PTPRD: variants seen among roughly 807,000 people sequenced by gnomAD.
The protein encoded by PTPRD is receptor-type tyrosine-protein phosphatase delta.
Under a neutral mutation model 214.5 loss-of-function variants are expected in PTPRD, and 34 were observed. The ratio of observed to expected loss-of-function variants is 0.16; its 90% confidence interval spans 0.12 to 0.21. The LOEUF is 0.21. PTPRD is among the 10% of genes least tolerant of loss of function. The pLI, the probability that PTPRD is intolerant of heterozygous loss-of-function variation, is 1.00. For missense variants in PTPRD, 2,545 were observed against 2,398.7 expected (o/e 1.06, Z -1.27); for synonymous variants, 1,128 against 845.7 (o/e 1.33, Z -5.79).
At chr9:8,750,656 G>A (rs1487002481) in intron 11 of PTPRD, among the ~76,000 whole-genome samples, 2 of 152,174 alleles carry the variant, frequency 1.3e-5, no homozygotes, top group Non-Finnish European at 2.9e-5. Flanking sequence ...CTTCCCATGT[G>A]AAGGCACAGA....
intron 10 of PTPRD, among the ~76,000 whole-genome samples, 190 bp from the exon 11 acceptor site, chr9:9,018,925 C>T (rs893012504): frequency 6.6e-6 from 1 of 151,956 alleles, no homozygotes; most frequent in African/African-American, 2.4e-5. Context: ...TTAAAATGTT[C>T]CTTTTAAAGC....
At chr9:9,484,572 A>T (rs1405271522) in intron 8 of PTPRD, among the ~76,000 whole-genome samples, 1 of 152,176 alleles carries the variant, frequency 6.6e-6, no homozygotes. Flanking sequence ...AGAACAAACA[A>T]CATTTGTTTA....
intron 30 of PTPRD, among the ~76,000 whole-genome samples, chr9:8,483,534 C>G (rs2096932755): frequency 6.6e-6 from 1 of 152,164 alleles, no homozygotes; most frequent in Middle Eastern, 3.2e-3. Flanking sequence ...AGGTGGATCA[C>G]AAGGTCAGGA....
At chr9:9,033,713 C>G (rs952953661) in intron 10 of PTPRD, among the ~76,000 whole-genome samples, 6 of 152,064 alleles carry the variant, frequency 3.9e-5, no homozygotes, top group African/African-American at 1.4e-4. Context: ...TATCTCTGTT[C>G]TTTTATTCTC....
intron 7 of PTPRD, among the ~76,000 whole-genome samples, chr9:9,607,398 A>G (rs1339100624): frequency 2.0e-5 from 3 of 152,166 alleles, no homozygotes; most frequent in African/African-American, 4.8e-5. Context: ...AATCTAACAA[A>G]TTAATTCTCA....
chr9:8,449,905 A>T, intron 33 of PTPRD, 68 bp from the exon 34 acceptor site: 1 of 1,468,386 alleles, frequency 6.8e-7, no homozygotes, highest in African/African-American at 1.4e-5. Flanking sequence ...AAAGCAGAGA[A>T]TTGCACCTGC....
intron 5 of PTPRD, among the ~76,000 whole-genome samples, chr9:9,905,890 T>C (rs547620826): frequency 2.5e-4 from 38 of 152,004 alleles, no homozygotes; most frequent in Non-Finnish European, 4.7e-4. Flanking sequence ...CTGCCTTGAC[T>C]GGAGAAGCAT....
At chr9:10,428,799 A>T (rs1483140183) in intron 2 of PTPRD, among the ~76,000 whole-genome samples, 1 of 152,082 alleles carries the variant, frequency 6.6e-6, no homozygotes, top group East Asian at 1.9e-4. Flanking sequence ...TAGACAAAAC[A>T]CATGAGTGGA....
intron 6 of PTPRD, among the ~76,000 whole-genome samples, chr9:9,763,392 A>G: frequency 1.3e-5 from 2 of 152,270 alleles, no homozygotes; most frequent in South Asian, 4.1e-4. Flanking sequence ...TTTTACATAC[A>G]TAATATATAT....
chr9:8,335,461 C>G (rs371189232), intron 43 of PTPRD, among the ~76,000 whole-genome samples: 3 of 152,134 alleles, frequency 2.0e-5, no homozygotes, highest in African/African-American at 7.2e-5. Context: ...GCTAACAACT[C>G]TCAATAAACT....
intron 11 of PTPRD, among the ~76,000 whole-genome samples, chr9:9,004,977 G>T (rs1163079699): frequency 1.3e-5 from 2 of 152,218 alleles, no homozygotes; most frequent in East Asian, 3.9e-4. Context: ...TATCCGCCAG[G>T]TGTTAAACTC....
intron 9 of PTPRD, among the ~76,000 whole-genome samples, chr9:9,205,970 G>A (rs1224608711): frequency 1.3e-5 from 2 of 152,058 alleles, no homozygotes; most frequent in Admixed American, 6.5e-5. Flanking sequence ...CAGAGGGTGG[G>A]GTTATTTTAT....
intron 12 of PTPRD, among the ~76,000 whole-genome samples, chr9:8,684,621 C>T (rs1220899714): frequency 6.6e-6 from 1 of 152,086 alleles, no homozygotes; most frequent in Admixed American, 6.6e-5. Flanking sequence ...CAGACTAATA[C>T]ACAAATTATA....
At chr9:8,767,160 C>G (rs1453383022) in intron 11 of PTPRD, among the ~76,000 whole-genome samples, 5 of 152,008 alleles carry the variant, frequency 3.3e-5, no homozygotes, top group Non-Finnish European at 7.4e-5. Flanking sequence ...TCTTGTTGCC[C>G]AGGCTGGAAT....
At chr9:8,914,209 G>A (rs1272937872) in intron 11 of PTPRD, among the ~76,000 whole-genome samples, 7 of 151,964 alleles carry the variant, frequency 4.6e-5, no homozygotes, top group African/African-American at 1.7e-4. Context: ...ATGTAATAAT[G>A]ATTAACAATT....
At chr9:9,885,042 T>C (rs1303526254) in intron 5 of PTPRD, among the ~76,000 whole-genome samples, 2 of 152,074 alleles carry the variant, frequency 1.3e-5, no homozygotes, top group Admixed American at 6.6e-5. Flanking sequence ...ACATTTATAG[T>C]GGCAGAAAGG....
intron 11 of PTPRD, among the ~76,000 whole-genome samples, chr9:8,966,863 A>G (rs1015931829): frequency 1.3e-5 from 2 of 152,100 alleles, no homozygotes; most frequent in Non-Finnish European, 2.9e-5. Context: ...TGCATCCGAC[A>G]AAGATCTAAT....
intron 11 of PTPRD, among the ~76,000 whole-genome samples, chr9:8,783,269 A>G (rs1473453921): frequency 6.6e-6 from 1 of 152,236 alleles, no homozygotes; most frequent in Non-Finnish European, 1.5e-5. Context: ...ATGAATAATG[A>G]CATAAATAGA....
chr9:8,630,161 G>C lies in PTPRD; in HGVS notation c.352+3156C>G, dbSNP rs142120673. The stretch of plus-strand genomic sequence containing the variant: ...ATTTTTGGCATTTGTCAGTAAAGCA[G>C]GGAGAAAGTAAATGATCCACGTGGA... On this transcript the variant is annotated intron_variant, in intron 14 of 45. Transcript: ENST00000381196. Among the ~76,000 whole-genome samples the C allele has an allele frequency of 1.2e-3, 186 of 151,910 alleles. 2 individuals are homozygous for C. The highest frequency in any genetic ancestry group is 4.3e-3 in the African/African-American group (179 of 41,502).
Sources: allele counts gnomAD v4.1 joint callset (sites outside exome capture counted in the v4.1 genomes callset), GRCh38; gene constraint gnomAD v4.1.1; transcripts MANE v1.5; gene names NCBI Gene and HGNC (gene_info 2026-07-23, HGNC 2026-07-21).